The following WLS variants were observed in gnomAD, a reference collection of about 807,000 sequenced individuals.
WLS encodes the protein Wnt ligand secretion mediator.
In WLS, 23 loss-of-function variants were observed where a neutral mutation model predicts 62.8. That is an observed-to-expected ratio of 0.37 (90% CI 0.26 to 0.52). WLS has a LOEUF of 0.52. Among genes scored for constraint, WLS ranks in the 20% least tolerant of loss-of-function variants. The pLI, the probability that WLS is intolerant of heterozygous loss-of-function variation, is 0.92. For synonymous variants in WLS, 246 were observed against 244.1 expected, an observed-to-expected ratio of 1.01 and a Z score of -0.07; for missense variants, 615 against 697.3, an observed-to-expected ratio of 0.88 and a Z score of 1.33.
intron 11 of WLS, among the ~76,000 whole-genome samples, chr1:68,114,323 T>G (rs141288407): frequency 5.3e-5 from 8 of 152,324 alleles, no homozygotes; most frequent in African/African-American, 1.9e-4. Context: ...CTGGATTCTA[T>G]AGCTGAAATA....
downstream of WLS, among the ~76,000 whole-genome samples, chr1:68,124,544 G>A (rs1045388679): frequency 7.2e-5 from 10 of 139,244 alleles, no homozygotes; most frequent in African/African-American, 2.1e-4. Context: ...ATAGAGAAAC[G>A]TTCCCTCTAT....
chr1:68,159,116 G>A lies in WLS; in HGVS notation c.504+7C>T, dbSNP rs765159205. On this transcript the variant is annotated splice_region_variant and intron_variant, in intron 3 of 11. Coordinates refer to ENST00000262348, the MANE Select transcript of WLS (RefSeq NM_024911.7). ...AAACTGTCAGCTTAGACAGCAAGGG[G>A]TCATACCTTGGGAGATGTGAAGGTG... 1.2e-6 allele frequency: 2 copies of A among 1,613,670 alleles called. No homozygotes were observed. The highest frequency in any genetic ancestry group is 1.7e-6 in the Non-Finnish European group (2 of 1,179,876).
At chr1:68,141,158 C>A (rs1646680370) in intron 10 of WLS, among the ~76,000 whole-genome samples, 1 of 152,170 alleles carries the variant, frequency 6.6e-6, no homozygotes, top group African/African-American at 2.4e-5. Context: ...TCTTGACAAC[C>A]AACATTCCAC....
intron 1 of WLS, among the ~76,000 whole-genome samples, chr1:68,219,797 G>A (rs1004587755): frequency 6.6e-6 from 1 of 152,070 alleles, no homozygotes; most frequent in African/African-American, 2.4e-5. Context: ...TGTTTCAGAA[G>A]TAATTAATAT....
chr1:68,145,405 C>G (rs1282765137), intron 9 of WLS, among the ~76,000 whole-genome samples: 10 of 152,136 alleles, frequency 6.6e-5, no homozygotes, highest in African/African-American at 2.4e-4. Flanking sequence ...TTACTGAACT[C>G]TGTCTGAGCA....
intron 2 of WLS, among the ~76,000 whole-genome samples, chr1:68,178,550 T>C (rs763546745): frequency 8.6e-5 from 13 of 151,808 alleles, no homozygotes; most frequent in Non-Finnish European, 1.8e-4. Context: ...ATACTAAAAA[T>C]ACAAAATTAG....
chr1:68,098,500 C>T (rs933997792), exon 12 of WLS: 73 of 1,379,762 alleles, frequency 5.3e-5, no homozygotes, highest in Non-Finnish European at 5.6e-5. Context: ...TTATTGTTGA[C>T]GCTTTTTTCC....
At chr1:68,107,861 G>A (rs1238146044) in intron 11 of WLS, among the ~76,000 whole-genome samples, 1 of 152,044 alleles carries the variant, frequency 6.6e-6, no homozygotes, top group Non-Finnish European at 1.5e-5. Context: ...GGGTCTGCGG[G>A]ACACACCCCA....
intron 10 of WLS, among the ~76,000 whole-genome samples, chr1:68,139,451 CA>C (rs1275086860): frequency 6.6e-6 from 1 of 152,144 alleles, no homozygotes; most frequent in Non-Finnish European, 1.5e-5. Flanking sequence ...TCCAGAAATA[CA>C]GGTACCTGCT....
At chr1:68,175,006 CA>C (rs1557497327) in intron 2 of WLS, among the ~76,000 whole-genome samples, 1 of 152,134 alleles carries the variant, frequency 6.6e-6, no homozygotes, top group African/African-American at 2.4e-5. Context: ...GCATTACATC[CA>C]TGAGCTTTAT....
rs1196864239 is a variant in WLS at position 68,125,386 on chromosome 1, T to A, written c.*840A>T. 1.0e-6 allele frequency: 1 copy of A among 985,338 alleles called. No homozygotes were observed. The highest frequency in any genetic ancestry group is 6.1e-5 in the Admixed American group (1 of 16,270). 61.0% of individuals were successfully genotyped at this position (985,338 alleles called of 1,614,324 possible). On this transcript the variant is annotated 3_prime_UTR_variant, in exon 12 of 12. Coordinates refer to ENST00000262348, the MANE Select transcript of WLS (RefSeq NM_024911.7). ...GAGTTTTAGCAGGAGGGGATATGCA[T>A]GTACACATATGCATATACATACAGG...
At chr1:68,215,207 A>G (rs1452443335) in intron 1 of WLS, among the ~76,000 whole-genome samples, 1 of 152,168 alleles carries the variant, frequency 6.6e-6, no homozygotes, top group Non-Finnish European at 1.5e-5. Context: ...AAAAACACCA[A>G]TCATCCTCTC....
chr1:68,120,694 C>CTGTGTGTG (rs746624063), downstream of WLS, among the ~76,000 whole-genome samples: 81 of 150,706 alleles, frequency 5.4e-4, no homozygotes, highest in South Asian at 7.8e-3. Flanking sequence ...CTGTTAAGTT[C>CTGTGTGTG]TGTGTGTGTG....
At position 68,137,884 on chromosome 1, in the gene WLS, C is replaced by G. The variant is rs1488328865; in HGVS notation, c.1412G>C (p.Ser471Thr). ...CCCATAGATGCCTGTGAAAAAGGCA[C>G]TGTTCACTTGGACTGTGACGCCGCC... Reference protein sequence around the residue: ...KWGGVTVQVNSAFFTGIYGMW... With the variant: ...KWGGVTVQVNTAFFTGIYGMW... Residue 471 changes from serine to threonine, a missense_variant, in exon 11 of 12, where the codon AGT (serine) becomes ACT (threonine). Ser to Thr is a moderately conservative substitution (Grantham distance 58, BLOSUM62 1). Transcript: ENST00000262348. 3 of 1,614,006 alleles carry G rather than the reference C, an allele frequency of 1.9e-6. No homozygotes were observed. Among genetic ancestry groups the G allele is most frequent in the Non-Finnish European group, 2.5e-6 (3 of 1,179,908 alleles).
At position 68,217,568 on chromosome 1, in the gene WLS, C is replaced by G. The variant is rs997287623; in HGVS notation, c.106+14626G>C. Reference sequence around the variant, plus strand: ...TTACAGATTATGGACAAAGCCATAACAGAACCCCAAACTGACTGAAGAATT... The same window carrying G: ...TTACAGATTATGGACAAAGCCATAAGAGAACCCCAAACTGACTGAAGAATT... On this transcript the variant is annotated intron_variant, in intron 1 of 11. Coordinates refer to ENST00000262348, the MANE Select transcript of WLS (RefSeq NM_024911.7). Among the ~76,000 whole-genome samples, 3 of 152,204 alleles carry G rather than the reference C, an allele frequency of 2.0e-5. No individual in the cohort carries two copies. In the East Asian group the frequency reaches 5.8e-4, roughly 29 times the overall value.
intron 11 of WLS, among the ~76,000 whole-genome samples, chr1:68,100,250 T>C (rs2100284663): frequency 6.6e-6 from 1 of 152,328 alleles, no homozygotes; most frequent in South Asian, 2.1e-4. Context: ...AGGATCCTGG[T>C]CCCCTGGTTC....
chr1:68,212,871 A>T (rs1464826490), intron 1 of WLS, among the ~76,000 whole-genome samples: 1 of 152,212 alleles, frequency 6.6e-6, no homozygotes, highest in Non-Finnish European at 1.5e-5. Context: ...CACTAATTTA[A>T]CATCCAGTGC....
chr1:68,210,486 C>G (rs545044284), intron 1 of WLS, among the ~76,000 whole-genome samples: 1 of 152,310 alleles, frequency 6.6e-6, no homozygotes, highest in East Asian at 1.9e-4. Flanking sequence ...TAAGAAAGAA[C>G]ATTTAACCAT....
intron 11 of WLS, among the ~76,000 whole-genome samples, chr1:68,109,311 C>G (rs1340356771): frequency 3.3e-5 from 5 of 152,148 alleles, no homozygotes; most frequent in African/African-American, 4.8e-5. Flanking sequence ...CAATTTGGGT[C>G]CTTAGATTTC....
Sources: gnomAD v4.1 joint callset for allele counts (sites outside exome capture counted in the v4.1 genomes callset) on GRCh38, gnomAD v4.1.1 for gene constraint, MANE v1.5 for transcripts, NCBI Gene and HGNC (gene_info 2026-07-23, HGNC 2026-07-21) for gene names.